The following LAPTM5 variants were observed in gnomAD, a reference collection of about 807,000 sequenced individuals.
LAPTM5 encodes the protein lysosomal-associated transmembrane protein 5.
Under a neutral mutation model 30.1 loss-of-function variants are expected in LAPTM5, and 11 were observed. That is an observed-to-expected ratio of 0.37 (90% CI 0.23 to 0.60). The LOEUF (loss-of-function observed/expected upper bound fraction) is 0.60. Ranked by LOEUF, LAPTM5 falls within the 20% of genes least tolerant of loss-of-function variation. LAPTM5 has a pLI of 0.71. For missense variants in LAPTM5, 324 were observed against 332.5 expected, an observed-to-expected ratio of 0.97 and a Z score of 0.20; for synonymous variants, 151 against 137.9, an observed-to-expected ratio of 1.10 and a Z score of -0.67.
chr1:30,738,678 C>T (rs1639924156), intron 5 of LAPTM5, among the ~76,000 whole-genome samples: 1 of 152,262 alleles, frequency 6.6e-6, no homozygotes, highest in Non-Finnish European at 1.5e-5. Context: ...CCAAAGCCCT[C>T]TCTGGGATCA....
At chr1:30,741,498 G>T in intron 3 of LAPTM5, 142 bp downstream of exon 3, 1 of 469,624 alleles carries the variant, frequency 2.1e-6, no homozygotes, top group Non-Finnish European at 3.7e-6. Context: ...TTCTCCAAAA[G>T]GTATGTGTGA....
chr1:30,737,917 A>G (rs989367598), intron 5 of LAPTM5, among the ~76,000 whole-genome samples: 1 of 152,190 alleles, frequency 6.6e-6, no homozygotes, highest in African/African-American at 2.4e-5. Context: ...AGTGGCTACT[A>G]TCTCCAGATC....
At chr1:30,738,867 C>T in intron 5 of LAPTM5, 73 bp downstream of exon 5, 1 of 1,496,662 alleles carries the variant, frequency 6.7e-7, no homozygotes, top group Non-Finnish European at 9.1e-7. Flanking sequence ...ACCACAGACA[C>T]ACAGAGACGT....
chr1:30,752,956 G>T (rs752448690), intron 1 of LAPTM5, among the ~76,000 whole-genome samples: 44 of 152,150 alleles, frequency 2.9e-4, no homozygotes, highest in Admixed American at 7.2e-4. Flanking sequence ...ACAGGCTCCC[G>T]CCATCATGCC....
chr1:30,737,200 T>A (rs796482509), intron 6 of LAPTM5, among the ~76,000 whole-genome samples: 5 of 152,226 alleles, frequency 3.3e-5, no homozygotes, highest in African/African-American at 1.2e-4. Context: ...TAATCTCAGG[T>A]ACATTTTGAT....
chr1:30,752,085 G>T (rs1640146081), intron 1 of LAPTM5, among the ~76,000 whole-genome samples: 1 of 152,182 alleles, frequency 6.6e-6, no homozygotes, highest in African/African-American at 2.4e-5. Flanking sequence ...CCATAAAGAA[G>T]AAATGAATGG....
At chr1:30,741,112 T>C (rs1434716936) in intron 3 of LAPTM5, among the ~76,000 whole-genome samples, 1 of 152,136 alleles carries the variant, frequency 6.6e-6, no homozygotes, top group East Asian at 1.9e-4. Context: ...TGTCCCTGTC[T>C]CTCTGAAGGC....
chr1:30,755,925 G>T (rs1303433281), intron 1 of LAPTM5, among the ~76,000 whole-genome samples: 7 of 152,196 alleles, frequency 4.6e-5, no homozygotes, highest in Admixed American at 3.9e-4. Flanking sequence ...CCAAGCAAGG[G>T]CTCCCGGGGT....
intron 7 of LAPTM5, 125 bp from the exon 8 acceptor site, chr1:30,734,042 G>C: frequency 9.5e-7 from 1 of 1,052,408 alleles, no homozygotes; most frequent in Non-Finnish European, 1.4e-6. Context: ...GCAGGTCTTG[G>C]ATATTTGCTA....
At chr1:30,743,508 T>G (rs1640000260) in intron 1 of LAPTM5, among the ~76,000 whole-genome samples, 1 of 152,178 alleles carries the variant, frequency 6.6e-6, no homozygotes, top group Non-Finnish European at 1.5e-5. Context: ...CCATGCAGCC[T>G]CTACTTAAGT....
In LAPTM5 at chr1:30,739,733, GTGTC is replaced by G; in HGVS notation, c.387+72_387+75del. On this transcript the variant is annotated intron_variant, in intron 4 of 7. Transcript: ENST00000294507. The surrounding 1 kb of genome is among the most constrained non-coding windows in gnomAD (Gnocchi z 4.2). ...CCTCCCCAGCCTGAGCACAGGGCCC[GTGTC>G]TGGTCCCCTCCCATCTCCCATGCCA... 6.8e-7 allele frequency: 1 copy of G among 1,468,068 alleles called. No homozygotes were observed. Among genetic ancestry groups the G allele is most frequent in the East Asian group, 2.5e-5 (1 of 39,440 alleles). The allele number at this position is 1,468,068 out of a possible 1,614,324, so 90.9% of individuals were successfully genotyped here. A position where few individuals can be genotyped will look rare whatever the true frequency, so the allele number is the denominator to read the frequency against.
At position 30,738,985 on chromosome 1, in the gene LAPTM5, G is replaced by A. The variant is rs1315030174; in HGVS notation, c.465C>T (p.Tyr155=). 1 of 1,608,324 alleles carries A rather than the reference G, an allele frequency of 6.2e-7. No individual in the cohort carries two copies. Among genetic ancestry groups the A allele is most frequent in the Non-Finnish European group, 8.5e-7 (1 of 1,177,818 alleles). ...CLSILTLCSS[Y]MEVPTYLNFK... is the part of the protein sequence containing the mutation. ...AGTTGAGATAGGTGGGCACTTCCAT[G>A]TAGGAGCTGCAGAGGGTCAGGATGC... Residue 155 remains tyrosine, a synonymous_variant, in exon 5 of 8, where the codon TAC becomes TAT. Transcript: ENST00000294507.
intron 1 of LAPTM5, among the ~76,000 whole-genome samples, chr1:30,747,006 G>A (rs377666324): frequency 1.3e-5 from 2 of 152,154 alleles, no homozygotes; most frequent in South Asian, 2.1e-4. Context: ...TGACCCTGGC[G>A]TGCCGGTGTC....
At position 30,737,703 on chromosome 1, in the gene LAPTM5, C is replaced by G. The variant is rs891738962; in HGVS notation, c.511-4G>C. On this transcript the variant is annotated splice_region_variant and splice_polypyrimidine_tract_variant and intron_variant, in intron 5 of 7. Transcript: ENST00000294507. Reference sequence around the variant, plus strand: ...CCTCCTGGCTGGGGAGGTAATTCTGCAACAGATTTGGGGGCCACATCAATG... The same window carrying G: ...CCTCCTGGCTGGGGAGGTAATTCTGGAACAGATTTGGGGGCCACATCAATG... 5 of 1,604,288 alleles carry G rather than the reference C, an allele frequency of 3.1e-6. No individual in the cohort carries two copies. In the African/African-American group the frequency reaches 4.0e-5, roughly 13 times the overall value.
chr1:30,736,325 C>T lies in LAPTM5; in HGVS notation c.607-1060G>A, dbSNP rs140021791. ...GGGTCTGCAGATGCCCACCCACCACCACAGAAAGGCTGGGGGGAAATGCAC... is the reference window on the plus strand; with the variant it reads ...GGGTCTGCAGATGCCCACCCACCACTACAGAAAGGCTGGGGGGAAATGCAC... On this transcript the variant is annotated intron_variant, in intron 6 of 7. Coordinates refer to ENST00000294507, the MANE Select transcript of LAPTM5 (RefSeq NM_006762.3). 9.3e-3 allele frequency among the ~76,000 whole-genome samples: 1,409 copies of T among 152,306 alleles called. 8 individuals carry two copies. Among genetic ancestry groups the T allele is most frequent in the Non-Finnish European group, 0.014 (923 of 68,028 alleles).
At chr1:30,735,061 C>G in intron 7 of LAPTM5, 112 bp downstream of exon 7, 1 of 747,756 alleles carries the variant, frequency 1.3e-6, no homozygotes. Context: ...TCTTCTGTTC[C>G]AACCCTCATC....
At chr1:30,743,605 G>A (rs1164522742) in intron 1 of LAPTM5, among the ~76,000 whole-genome samples, 1 of 152,048 alleles carries the variant, frequency 6.6e-6, no homozygotes, top group East Asian at 1.9e-4. Flanking sequence ...CATACATACA[G>A]TTCTCCAGGT....
At position 30,746,995 on chromosome 1, in the gene LAPTM5, C is replaced by T. The variant is rs1203891953; in HGVS notation, c.88-4446G>A. Among the ~76,000 whole-genome samples the T allele has an allele frequency of 6.6e-6, 1 of 152,194 alleles. No individual in the cohort carries two copies. Among genetic ancestry groups the T allele is most frequent in the African/African-American group, 2.4e-5 (1 of 41,452 alleles). Reference sequence around the variant, plus strand: ...CTCCAAACTCTGTCTAGAAAAGCCACTGACCCTGGCGTGCCGGTGTCACAG... The same window carrying T: ...CTCCAAACTCTGTCTAGAAAAGCCATTGACCCTGGCGTGCCGGTGTCACAG... On this transcript the variant is annotated intron_variant, in intron 1 of 7. Transcript: ENST00000294507. The surrounding 1 kb of genome is among the most constrained non-coding windows in gnomAD (Gnocchi z 4.0).
chr1:30,737,814 A>G, intron 5 of LAPTM5, 115 bp from the exon 6 acceptor site: 1 of 672,848 alleles, frequency 1.5e-6, no homozygotes, highest in Non-Finnish European at 2.6e-6. Context: ...ACAGCGTGGC[A>G]CAGCCGTCAC....
Sources: gnomAD v4.1 joint callset for allele counts (sites outside exome capture counted in the v4.1 genomes callset) on GRCh38, gnomAD v4.1.1 for gene constraint, Gnocchi (gnomAD v3.1) non-coding constraint, MANE v1.5 for transcripts, NCBI Gene and HGNC (gene_info 2026-07-23, HGNC 2026-07-21) for gene names.